SLC4A4: variants seen among roughly 807,000 people sequenced by gnomAD.
SLC4A4 encodes the protein electrogenic sodium bicarbonate cotransporter 1.
In SLC4A4, 27 loss-of-function variants were observed where a neutral mutation model predicts 111.5. That is an observed-to-expected ratio of 0.24 (90% CI 0.18 to 0.33). The LOEUF is 0.33. Among genes scored for constraint, SLC4A4 ranks in the 10% least tolerant of loss-of-function variants. The pLI is 1.00. For synonymous variants in SLC4A4, 443 were observed against 463.4 expected (o/e 0.96, Z 0.57); for missense variants, 909 against 1,315.5 (o/e 0.69, Z 4.78).
At chr4:71,399,175 T>C (rs1245700261) in intron 7 of SLC4A4, among the ~76,000 whole-genome samples, 1 of 152,198 alleles carries the variant, frequency 6.6e-6, no homozygotes, top group African/African-American at 2.4e-5. Flanking sequence ...CATTGTCCAA[T>C]TTTGTTATCT....
At chr4:71,277,903 A>G (rs1723204543) in intron 3 of SLC4A4, among the ~76,000 whole-genome samples, 1 of 152,216 alleles carries the variant, frequency 6.6e-6, no homozygotes, top group African/African-American at 2.4e-5. Flanking sequence ...ACTGCAATCA[A>G]GTTACTTAAC....
intron 15 of SLC4A4, among the ~76,000 whole-genome samples, chr4:71,490,717 A>G (rs76228498): frequency 0.019 from 2,891 of 151,878 alleles, 43 homozygotes; most frequent in Middle Eastern, 0.031. Flanking sequence ...TCTTTCGTGT[A>G]TTACCCATGC....
At chr4:71,122,204 TC>T (rs1743452874) in intron 2 of SLC4A4, among the ~76,000 whole-genome samples, 3 of 151,100 alleles carry the variant, frequency 2.0e-5, no homozygotes, top group Admixed American at 6.6e-5. Context: ...CACCAGCTAC[TC>T]AGGAGGCTGA....
intron 20 of SLC4A4, among the ~76,000 whole-genome samples, chr4:71,553,349 C>A (rs546112483): frequency 6.6e-6 from 1 of 151,800 alleles, no homozygotes; most frequent in Admixed American, 6.6e-5. Context: ...AACTAAGCAC[C>A]AAGGCAAAAG....
At chr4:71,368,947 A>AT (rs749120804) in intron 6 of SLC4A4, among the ~76,000 whole-genome samples, 2 of 152,040 alleles carry the variant, frequency 1.3e-5, no homozygotes, top group East Asian at 3.9e-4. Context: ...TTGCTTTAGC[A>AT]TTTTTTTCTT....
chr4:71,208,108 T>C (rs1285867317), intron 1 of SLC4A4, among the ~76,000 whole-genome samples: 2 of 152,092 alleles, frequency 1.3e-5, no homozygotes, highest in Non-Finnish European at 1.5e-5. Flanking sequence ...TGTGCCTGGC[T>C]GCTCTCCTCC....
At chr4:71,408,924 G>C (rs538526799) in intron 7 of SLC4A4, among the ~76,000 whole-genome samples, 1 of 152,240 alleles carries the variant, frequency 6.6e-6, no homozygotes, top group South Asian at 2.1e-4. Context: ...GAATCATGGG[G>C]GCCAGTTTTT....
At chr4:71,460,329 C>G (rs1947759846) in intron 12 of SLC4A4, among the ~76,000 whole-genome samples, 1 of 152,006 alleles carries the variant, frequency 6.6e-6, no homozygotes, top group Non-Finnish European at 1.5e-5. Context: ...TAAGGTTATA[C>G]TGGCCTAATG....
chr4:71,550,370 A>G (rs1735880853), intron 20 of SLC4A4, among the ~76,000 whole-genome samples: 1 of 151,956 alleles, frequency 6.6e-6, no homozygotes, highest in Non-Finnish European at 1.5e-5. Context: ...AAGTGCGTTT[A>G]TCACAAATCC....
intron 1 of SLC4A4, among the ~76,000 whole-genome samples, chr4:71,213,669 C>T (rs978838571): frequency 1.3e-5 from 2 of 152,102 alleles, no homozygotes; most frequent in African/African-American, 4.8e-5. Flanking sequence ...TAAGTTGAAG[C>T]CCTAATTTCC....
rs148371117 is a variant in SLC4A4 at position 71,443,829 on chromosome 4, G to A, written c.965+3056G>A. ...TATTTATCTAAAAGAAGTAGTTTGTGATTAATTGTCAAAGCCATTAAAAAA... is the reference window on the plus strand; with the variant it reads ...TATTTATCTAAAAGAAGTAGTTTGTAATTAATTGTCAAAGCCATTAAAAAA... On this transcript the variant is annotated intron_variant, in intron 8 of 25. Coordinates refer to ENST00000264485, the MANE Select transcript of SLC4A4 (RefSeq NM_001098484.3). Among the ~76,000 whole-genome samples the A allele has an allele frequency of 1.0e-3, 157 of 152,210 alleles. No individual in the cohort carries two copies. The East Asian group carries it at 0.014, about 14-fold the overall frequency.
chr4:71,416,364 G>A (rs1721824500), intron 7 of SLC4A4, among the ~76,000 whole-genome samples: 1 of 152,174 alleles, frequency 6.6e-6, no homozygotes, highest in South Asian at 2.1e-4. Flanking sequence ...AACAGTAAGA[G>A]ATTGACAACA....
At chr4:71,283,728 T>G (rs562162802) in intron 3 of SLC4A4, among the ~76,000 whole-genome samples, 86 of 152,348 alleles carry the variant, frequency 5.6e-4, no homozygotes, top group Non-Finnish European at 1.0e-3. Flanking sequence ...TGTATGAAAC[T>G]TTGATTACTT....
intron 5 of SLC4A4, among the ~76,000 whole-genome samples, chr4:71,350,697 T>G (rs1729752699): frequency 6.6e-6 from 1 of 152,186 alleles, no homozygotes; most frequent in Admixed American, 6.5e-5. Context: ...ATTCATATTA[T>G]CTATAATGTA....
chr4:71,105,374 C>G (rs1161253343), intron 2 of SLC4A4, among the ~76,000 whole-genome samples: 1 of 149,476 alleles, frequency 6.7e-6, no homozygotes, highest in Non-Finnish European at 1.5e-5. Flanking sequence ...TCAATGCCAT[C>G]CCCATCAAGC....
chr4:71,370,896 C>T (rs1731811803), intron 6 of SLC4A4, among the ~76,000 whole-genome samples: 1 of 152,086 alleles, frequency 6.6e-6, no homozygotes, highest in South Asian at 2.1e-4. Context: ...GAGACCAAAC[C>T]CTGGACCAAT....
intron 7 of SLC4A4, among the ~76,000 whole-genome samples, chr4:71,431,756 T>TATTGTATACAATCACTGATTGTATAATC (rs1682416483): frequency 6.6e-6 from 1 of 152,158 alleles, no homozygotes; most frequent in South Asian, 2.1e-4. Flanking sequence ...GTGATTGTAG[T>TATTGTATACAATCACTGATTGTATAATC]ACTGGTAAAA....
At chr4:71,385,194 T>A (rs1180097111) in intron 6 of SLC4A4, among the ~76,000 whole-genome samples, 25 of 88,782 alleles carry the variant, frequency 2.8e-4, no homozygotes, top group Admixed American at 8.2e-4. Flanking sequence ...TATATATATT[T>A]TTTTTTTTTT....
intron 14 of SLC4A4, among the ~76,000 whole-genome samples, chr4:71,483,185 C>T (rs751049790): frequency 4.5e-4 from 68 of 151,414 alleles, no homozygotes; most frequent in Non-Finnish European, 8.3e-4. Context: ...TTGTAACTTT[C>T]ATTTAAGTTC....
Sources: gnomAD v4.1 joint callset for allele counts (sites outside exome capture counted in the v4.1 genomes callset) on GRCh38, gnomAD v4.1.1 for gene constraint, MANE v1.5 for transcripts, NCBI Gene and HGNC (gene_info 2026-07-23, HGNC 2026-07-21) for gene names.